GSDMC: variants seen among roughly 807,000 people sequenced by gnomAD.
The protein encoded by GSDMC is gasdermin C.
A neutral mutation model predicts 58.0 loss-of-function variants in GSDMC; 59 were observed. That is an observed-to-expected ratio of 1.02 (90% CI 0.82 to 1.26). The LOEUF (loss-of-function observed/expected upper bound fraction) is 1.26. GSDMC is among the 50% of genes most tolerant of loss of function. The pLI is 0.00. For synonymous variants in GSDMC, 241 were observed against 220.2 expected, an observed-to-expected ratio of 1.09 and a Z score of -0.83; for missense variants, 659 against 598.5, an observed-to-expected ratio of 1.10 and a Z score of -1.06.
intron 1 of GSDMC, among the ~76,000 whole-genome samples, chr8:129,783,628 G>C (rs941809996): frequency 6.6e-6 from 1 of 152,168 alleles, no homozygotes; most frequent in South Asian, 2.1e-4. Context: ...CATGTTCATA[G>C]ATTGGAAGAA....
At chr8:129,735,253 A>G in the GSDMC span, among the ~76,000 whole-genome samples, 108 of 152,340 alleles carry the variant, frequency 7.1e-4, 1 homozygote, top group African/African-American at 2.3e-3. Context: ...TCAACGAGAC[A>G]TAAGATTAAC....
intron 2 of GSDMC, 145 bp downstream of exon 2, chr8:129,777,223 C>T: frequency 1.7e-6 from 1 of 596,970 alleles, no homozygotes; most frequent in South Asian, 2.1e-5. Context: ...CTCAATTTGT[C>T]TTCGTTTCTT....
At chr8:129,707,400 G>C in the GSDMC span, among the ~76,000 whole-genome samples, 1 of 151,954 alleles carries the variant, frequency 6.6e-6, no homozygotes, top group African/African-American at 2.4e-5. Context: ...TTCCTTTCAT[G>C]GTTTCTTTTT....
chr8:129,782,755 T>C (rs910671277), intron 1 of GSDMC, among the ~76,000 whole-genome samples: 3 of 152,128 alleles, frequency 2.0e-5, no homozygotes. Context: ...ACCCAGTGAA[T>C]TCAATGCTGA....
chr8:129,777,912 T>C (rs2130561357), intron 1 of GSDMC, among the ~76,000 whole-genome samples: 1 of 152,262 alleles, frequency 6.6e-6, no homozygotes, highest in South Asian at 2.1e-4. Flanking sequence ...TAAGACAATT[T>C]GGGCTTCTGA....
intron 3 of GSDMC, among the ~76,000 whole-genome samples, chr8:129,772,724 A>G (rs905779767): frequency 6.6e-6 from 1 of 152,208 alleles, no homozygotes; most frequent in Non-Finnish European, 1.5e-5. Context: ...TCCTGCTCAA[A>G]CCAAAAAATT....
At chr8:129,762,761 TA>T (rs1293907758) in intron 4 of GSDMC, 30 bp from the exon 5 acceptor site, 3 of 1,403,608 alleles carry the variant, frequency 2.1e-6, no homozygotes, top group African/African-American at 2.8e-5. Flanking sequence ...AATACAGTAT[TA>T]AATGTATGTA....
the GSDMC span, among the ~76,000 whole-genome samples, chr8:129,722,700 A>AAATG: frequency 2.0e-5 from 3 of 152,228 alleles, no homozygotes; most frequent in Non-Finnish European, 2.9e-5. Context: ...TTTATTGAAT[A>AAATG]AATGAATGAA....
chr8:129,715,913 A>T, the GSDMC span, among the ~76,000 whole-genome samples: 1 of 152,322 alleles, frequency 6.6e-6, no homozygotes, highest in Non-Finnish European at 1.5e-5. Flanking sequence ...TAAGGTTGTA[A>T]GGAGAAAAAT....
the GSDMC span, among the ~76,000 whole-genome samples, chr8:129,738,483 G>C: frequency 2.0e-5 from 3 of 152,150 alleles, no homozygotes; most frequent in Admixed American, 2.0e-4. Context: ...CCATAAAAAA[G>C]GTTGAGTTCA....
chr8:129,722,663 A>G, the GSDMC span, among the ~76,000 whole-genome samples: 1 of 152,210 alleles, frequency 6.6e-6, no homozygotes, highest in African/African-American at 2.4e-5. Flanking sequence ...TGCCTAACAG[A>G]GCACCTGGAA....
At chr8:129,740,275 TAA>T in the GSDMC span, among the ~76,000 whole-genome samples, 1 of 152,226 alleles carries the variant, frequency 6.6e-6, no homozygotes, top group Admixed American at 6.5e-5. Flanking sequence ...TAGTGTAGCC[TAA>T]GTGTATAGTA....
the GSDMC span, among the ~76,000 whole-genome samples, chr8:129,736,402 C>T: frequency 6.6e-6 from 1 of 152,178 alleles, no homozygotes; most frequent in African/African-American, 2.4e-5. Flanking sequence ...AAAATACTGG[C>T]AAACCAAATC....
In GSDMC at chr8:129,752,788, C is replaced by A. The variant is rs138900124; in HGVS notation, c.754G>T (p.Ala252Ser). The stretch of plus-strand genomic sequence containing the variant: ...GGTAGCAACCCCTCACTCCTCGCAG[C>A]ACAGTAGCCTACCATTTCGGAAATT... ...YEISEMVGYC[A>S]ARSEGLLPSF... The change falls in exon 7 of 14, where the codon GCT (alanine) becomes TCT (serine). Residue 252 changes from alanine to serine, a missense_variant. Ala to Ser is a moderately conservative substitution (Grantham distance 99, BLOSUM62 1). Transcript: ENST00000276708. 159 of 1,614,168 alleles carry A rather than the reference C, an allele frequency of 9.9e-5. 1 individual carries two copies. The African/African-American group carries it at 2.0e-3, about 21-fold the overall frequency.
intron 4 of GSDMC, among the ~76,000 whole-genome samples, chr8:129,764,989 T>G (rs2033806521): frequency 6.6e-6 from 1 of 152,214 alleles, no homozygotes; most frequent in African/African-American, 2.4e-5. Flanking sequence ...ATATCGGGTT[T>G]CTTCTTTAGT....
At chr8:129,745,380 G>A (rs922210195), downstream of GSDMC, among the ~76,000 whole-genome samples, 3 of 151,932 alleles carry the variant, frequency 2.0e-5, no homozygotes, top group Non-Finnish European at 2.9e-5. Flanking sequence ...CTAGGGATTC[G>A]TCTCTGGAAC....
intron 5 of GSDMC, among the ~76,000 whole-genome samples, chr8:129,761,168 T>C (rs2033646206): frequency 6.6e-6 from 1 of 152,106 alleles, no homozygotes; most frequent in Non-Finnish European, 1.5e-5. Context: ...AAAATGGAGA[T>C]GAGATCTTCT....
At chr8:129,706,215 C>T in the GSDMC span, among the ~76,000 whole-genome samples, 3 of 152,076 alleles carry the variant, frequency 2.0e-5, no homozygotes, top group Admixed American at 2.0e-4. Context: ...TACAAATTTT[C>T]TCCACCAAAA....
chr8:129,781,923 C>A (rs1354240522), intron 1 of GSDMC, among the ~76,000 whole-genome samples: 2 of 152,150 alleles, frequency 1.3e-5, no homozygotes, highest in African/African-American at 2.4e-5. Flanking sequence ...ACACATTTTT[C>A]TCCTCATCAC....
Sources: allele counts gnomAD v4.1 joint callset (sites outside exome capture counted in the v4.1 genomes callset), GRCh38; gene constraint gnomAD v4.1.1; transcripts MANE v1.5; gene names NCBI Gene and HGNC (gene_info 2026-07-23, HGNC 2026-07-21).